Variants in SH3BGRL2 observed in about 807,000 individuals in gnomAD.
The protein encoded by SH3BGRL2 is SH3 domain-binding glutamic acid-rich-like protein 2.
SH3BGRL2 carries 21 observed loss-of-function variants against 14.8 expected under a neutral mutation model. The ratio of observed to expected loss-of-function variants is 1.42; its 90% CI spans 1.01 to 2.05. The LOEUF is 2.05. Ranked by LOEUF, SH3BGRL2 falls within the 30% of genes most tolerant of loss-of-function variation. The pLI is 0.00. For synonymous variants in SH3BGRL2, 50 were observed against 47.8 expected, an observed-to-expected ratio of 1.05 and a Z score of -0.19; for missense variants, 147 against 130.8, an observed-to-expected ratio of 1.12 and a Z score of -0.61.
chr6:79,701,046 A>C lies in SH3BGRL2; in HGVS notation c.*1537A>C, dbSNP rs549254090. The C allele has an allele frequency of 6.6e-6, 1 of 152,336 alleles. No individual in the cohort carries two copies. The highest frequency in any genetic ancestry group is 1.5e-5 in the Non-Finnish European group (1 of 68,028). 9.4% of individuals were successfully genotyped at this position (152,336 alleles called of 1,614,324 possible). ...TAGACTAAAGAACTTGTTGAATGCT[A>C]AGGCTGAAATCCCAACCTGAGATTT... On this transcript the variant is annotated 3_prime_UTR_variant, in exon 4 of 4. Coordinates refer to ENST00000369838, the MANE Select transcript of SH3BGRL2 (RefSeq NM_031469.4).
the SH3BGRL2 span, among the ~76,000 whole-genome samples, chr6:79,620,068 G>C: frequency 6.6e-6 from 1 of 151,958 alleles, no homozygotes; most frequent in African/African-American, 2.4e-5. Context: ...ATCTCCAAAG[G>C]TCATAGCACA....
intron 2 of SH3BGRL2, among the ~76,000 whole-genome samples, chr6:79,683,606 G>A (rs1449280049): frequency 6.6e-6 from 1 of 151,960 alleles, no homozygotes; most frequent in Non-Finnish European, 1.5e-5. Flanking sequence ...ATGCCACCAT[G>A]CCTGGCTAAT....
chr6:79,552,075 G>A, the SH3BGRL2 span, among the ~76,000 whole-genome samples: 3 of 152,144 alleles, frequency 2.0e-5, no homozygotes, highest in Non-Finnish European at 4.4e-5. Flanking sequence ...GGGTGACAGA[G>A]TGATACTCTG....
chr6:79,631,852 T>C (rs956601814), intron 1 of SH3BGRL2, among the ~76,000 whole-genome samples: 1 of 152,218 alleles, frequency 6.6e-6, no homozygotes, highest in African/African-American at 2.4e-5. Flanking sequence ...CCTAGTTTAG[T>C]TCTTCCCGAT....
intron 2 of SH3BGRL2, among the ~76,000 whole-genome samples, chr6:79,681,054 A>G (rs950386571): frequency 2.0e-5 from 3 of 152,204 alleles, no homozygotes; most frequent in Non-Finnish European, 4.4e-5. Flanking sequence ...TCAAGGAGAA[A>G]AAACACAGTG....
Position 79,699,705 on chromosome 6 carries a change from G to T in SH3BGRL2, c.*196G>T. ...TTGCTTTAAACCAAATCAGGTGGTG[G>T]ATTTTTTTTTTCTTATTCTATTTGC... On this transcript the variant is annotated 3_prime_UTR_variant, in exon 4 of 4. Transcript: ENST00000369838. 4 of 716,796 alleles carry T rather than the reference G, an allele frequency of 5.6e-6. No homozygotes were observed. Among genetic ancestry groups the T allele is most frequent in the Non-Finnish European group, 8.2e-6 (4 of 490,502 alleles). The allele number at this position is 716,796 out of a possible 1,614,324, so 44.4% of individuals were successfully genotyped here. A position where few individuals can be genotyped will look rare whatever the true frequency, so the allele number is the denominator to read the frequency against.
chr6:79,668,925 C>T (rs1489671391), intron 1 of SH3BGRL2, among the ~76,000 whole-genome samples: 1 of 152,278 alleles, frequency 6.6e-6, no homozygotes, highest in South Asian at 2.1e-4. Context: ...GCATCCTAAG[C>T]ACAATGCTTT....
At chr6:79,566,897 T>A in the SH3BGRL2 span, among the ~76,000 whole-genome samples, 1 of 136,894 alleles carries the variant, frequency 7.3e-6, no homozygotes, top group Non-Finnish European at 1.6e-5. Flanking sequence ...ACTCTGTCTC[T>A]AAAAAAAAAA....
the SH3BGRL2 span, among the ~76,000 whole-genome samples, chr6:79,577,697 G>T: frequency 5.3e-5 from 8 of 152,352 alleles, no homozygotes; most frequent in African/African-American, 1.9e-4. Context: ...GCAGCTCCCA[G>T]TGTGATCAAT....
At chr6:79,546,728 T>G in the SH3BGRL2 span, among the ~76,000 whole-genome samples, 3 of 151,864 alleles carry the variant, frequency 2.0e-5, no homozygotes, top group East Asian at 3.9e-4. Flanking sequence ...AGATGAAGTC[T>G]TCTTCTGTCA....
chr6:79,681,140 C>T (rs946837428), intron 2 of SH3BGRL2, among the ~76,000 whole-genome samples: 4 of 152,028 alleles, frequency 2.6e-5, no homozygotes, highest in African/African-American at 9.7e-5. Context: ...TTAGGTAAAA[C>T]TGGGGAGAAA....
chr6:79,616,741 G>C, the SH3BGRL2 span, among the ~76,000 whole-genome samples: 2 of 152,166 alleles, frequency 1.3e-5, no homozygotes, highest in African/African-American at 4.8e-5. Context: ...GTTCCATTCA[G>C]GGGTAGGACA....
chr6:79,591,051 A>C, the SH3BGRL2 span, among the ~76,000 whole-genome samples: 1 of 152,182 alleles, frequency 6.6e-6, no homozygotes, highest in Admixed American at 6.5e-5. Context: ...ATTTATACGA[A>C]TATTAAGTGA....
At chr6:79,644,119 G>T (rs932564157) in intron 1 of SH3BGRL2, among the ~76,000 whole-genome samples, 1 of 152,128 alleles carries the variant, frequency 6.6e-6, no homozygotes, top group African/African-American at 2.4e-5. Context: ...GGAGGTGTGC[G>T]CCCTCATCCT....
At chr6:79,696,422 T>C (rs2127739873) in intron 2 of SH3BGRL2, 63 bp from the exon 3 acceptor site, 3 of 1,230,768 alleles carry the variant, frequency 2.4e-6, no homozygotes, top group Non-Finnish European at 3.5e-6. Context: ...TTGTTCAAAG[T>C]ACCAAATATA....
chr6:79,576,094 G>A, the SH3BGRL2 span, among the ~76,000 whole-genome samples: 1 of 151,984 alleles, frequency 6.6e-6, no homozygotes, highest in African/African-American at 2.4e-5. Context: ...AACAATGCAA[G>A]GACCTTAAAA....
chr6:79,631,458 G>C lies in SH3BGRL2; in HGVS notation c.-4G>C. The C allele has an allele frequency of 6.6e-7, 1 of 1,519,744 alleles. No individual in the cohort carries two copies. Among genetic ancestry groups the C allele is most frequent in the Middle Eastern group, 1.8e-4 (1 of 5,714 alleles). The allele number at this position is 1,519,744 out of a possible 1,614,324, so 94.1% of individuals were successfully genotyped here. Reference sequence around the variant, plus strand: ...AAGGGGTCTGTCCCGGGCGCAGCGAGAGGATGGTCATCCGCGTGTTCATCG... The same window carrying C: ...AAGGGGTCTGTCCCGGGCGCAGCGACAGGATGGTCATCCGCGTGTTCATCG... On this transcript the variant is annotated 5_prime_UTR_variant, in exon 1 of 4. Coordinates refer to ENST00000369838, the MANE Select transcript of SH3BGRL2 (RefSeq NM_031469.4).
the SH3BGRL2 span, among the ~76,000 whole-genome samples, chr6:79,623,694 T>G: frequency 6.6e-6 from 1 of 152,218 alleles, no homozygotes; most frequent in Non-Finnish European, 1.5e-5. Flanking sequence ...AGGAAAAATT[T>G]GAGAAATTTA....
chr6:79,650,319 C>CT (rs1391606052), intron 1 of SH3BGRL2, among the ~76,000 whole-genome samples: 1 of 152,056 alleles, frequency 6.6e-6, no homozygotes, highest in African/African-American at 2.4e-5. Context: ...GACAGGGAAG[C>CT]TAACATTACT....
Sources: allele counts gnomAD v4.1 joint callset (sites outside exome capture counted in the v4.1 genomes callset), GRCh38; gene constraint gnomAD v4.1.1; transcripts MANE v1.5; gene names NCBI Gene and HGNC (gene_info 2026-07-23, HGNC 2026-07-21).